Variants in AMER1 observed in about 807,000 individuals in gnomAD.
AMER1 encodes the protein RP11-403E24.2.
AMER1 carries 16 observed loss-of-function variants against 53.0 expected under a neutral mutation model. The ratio of observed to expected loss-of-function variants is 0.30; its 90% confidence interval spans 0.20 to 0.46. The LOEUF is 0.46. Among genes scored for constraint, AMER1 ranks in the 20% least tolerant of loss-of-function variants. AMER1 has a pLI of 1.00. For missense variants in AMER1, 947 were observed against 884.9 expected, an observed-to-expected ratio of 1.07 and a Z score of -0.89; for synonymous variants, 354 against 331.9, an observed-to-expected ratio of 1.07 and a Z score of -0.73.
In AMER1 at chrX:64,188,288, A is replaced by G. The variant is rs1930148629; in HGVS notation, c.*1591T>C. 1.2e-6 allele frequency: 1 copy of G among 800,506 alleles called. No homozygotes were observed. The highest frequency in any genetic ancestry group is 7.7e-5 in the Admixed American group (1 of 12,923). The allele number at this position is 800,506 out of a possible 1,213,427, so 66.0% of individuals were successfully genotyped here. The stretch of plus-strand genomic sequence containing the variant: ...CACAGCCAAGCAAAAAATGTTCCAT[A>G]TGCCATTTCCAATAAAGACATGTAA... On this transcript the variant is annotated 3_prime_UTR_variant, in exon 2 of 2. Transcript: ENST00000374869.
chrX:64,188,299 A>G lies in AMER1; in HGVS notation c.*1580T>C. On this transcript the variant is annotated 3_prime_UTR_variant, in exon 2 of 2. Transcript: ENST00000374869. ...AAAAAATGTTCCATATGCCATTTCC[A>G]ATAAAGACATGTAAAAGGAACCCTC... 3 of 802,243 alleles carry G rather than the reference A, an allele frequency of 3.7e-6. No homozygotes were observed. Among genetic ancestry groups the G allele is most frequent in the Non-Finnish European group, 4.5e-6 (3 of 668,528 alleles). The allele number at this position is 802,243 out of a possible 1,213,427, so 66.1% of individuals were successfully genotyped here. A position where few individuals can be genotyped will look rare whatever the true frequency, so the allele number is the denominator to read the frequency against.
rs761242587 is a variant in AMER1 at position 64,190,222 on chromosome X, C to T, written c.3065G>A (p.Arg1022His). The change falls in exon 2 of 2, where the codon CGT becomes CAT. Residue 1022 changes from arginine to histidine, a missense_variant. Transcript: ENST00000374869. Reference sequence around the variant, plus strand: ...CATGGGCAGGTGTAGGTGTGAGGGACGAGCTAGTTGAGGCCCAGATTCCCC... The same window carrying T: ...CATGGGCAGGTGTAGGTGTGAGGGATGAGCTAGTTGAGGCCCAGATTCCCC... ...APGESGPQLARPSHLHLPMGP... is the reference protein window; with the variant it reads ...APGESGPQLAHPSHLHLPMGP... 14 of 1,209,828 alleles carry T rather than the reference C, an allele frequency of 1.2e-5. No homozygotes were observed. Among genetic ancestry groups the T allele is most frequent in the Middle Eastern group, 4.6e-4 (2 of 4,371 alleles).
intron 1 of AMER1, among the ~76,000 whole-genome samples, chrX:64,200,295 G>A: frequency 8.9e-6 from 1 of 112,192 alleles, no homozygotes. Flanking sequence ...AGAAACAGAT[G>A]TGACAGAGCA....
At position 64,188,708 on chromosome X, in the gene AMER1, ACTGAGATACCTTAAGCT is replaced by A. The variant is rs1930158032; in HGVS notation, c.*1154_*1170del. The A allele has an allele frequency of 1.3e-6, 1 of 799,992 alleles. No individual in the cohort carries two copies. Among genetic ancestry groups the A allele is most frequent in the African/African-American group, 2.2e-5 (1 of 45,728 alleles). The allele number at this position is 799,992 out of a possible 1,213,427, so 65.9% of individuals were successfully genotyped here. On this transcript the variant is annotated 3_prime_UTR_variant, in exon 2 of 2. Transcript: ENST00000374869. ...AGAAGGGAGTTTTCCCTTTTAAGAA[ACTGAGATACCTTAAGCT>A]CTGCATGGTCTGAAATCCCCTTTCT... is the stretch of plus-strand genomic sequence containing the variant.
Position 64,192,049 on chromosome X carries a change from G to A in AMER1, c.1238C>T (p.Ala413Val), listed in dbSNP as rs750083174. The change falls in exon 2 of 2, where the codon GCC becomes GTC. Residue 413 changes from alanine to valine, a missense_variant. Ala to Val is a moderately conservative substitution (Grantham distance 64, BLOSUM62 0). Transcript: ENST00000374869. ...CATATTGGGCCGTGGATACATTTGG[G>A]CAGTTTCCCACAGATATTCTAAGTC... Reference protein sequence around the residue: ...DDDLEYLWETAQMYPRPNMNL... With the variant: ...DDDLEYLWETVQMYPRPNMNL... The A allele has an allele frequency of 1.9e-5, 23 of 1,210,110 alleles. No individual in the cohort carries two copies. In the South Asian group the frequency reaches 3.3e-4, roughly 18 times the overall value.
chrX:64,185,742 G>A lies in AMER1; in HGVS notation c.*4137C>T. ...AAGAGGGGTGAAGGAGTTCCCCAAAGCCTCTCTTCTGGGAAAATGTCACAA... is the reference window on the plus strand; with the variant it reads ...AAGAGGGGTGAAGGAGTTCCCCAAAACCTCTCTTCTGGGAAAATGTCACAA... On this transcript the variant is annotated 3_prime_UTR_variant, in exon 2 of 2. Transcript: ENST00000374869. 5.3e-6 allele frequency: 1 copy of A among 188,398 alleles called. No homozygotes were observed. The highest frequency in any genetic ancestry group is 1.0e-5 in the Non-Finnish European group (1 of 100,086). The allele number at this position is 188,398 out of a possible 1,213,427, so 15.5% of individuals were successfully genotyped here. A position where few individuals can be genotyped will look rare whatever the true frequency, so the allele number is the denominator to read the frequency against.
At position 64,188,669 on chromosome X, in the gene AMER1, T is replaced by C. The variant is rs1251803851; in HGVS notation, c.*1210A>G. 4 of 798,695 alleles carry C rather than the reference T, an allele frequency of 5.0e-6. No individual in the cohort carries two copies. Among genetic ancestry groups the C allele is most frequent in the Admixed American group, 1.6e-4 (2 of 12,827 alleles). The allele number at this position is 798,695 out of a possible 1,213,427, so 65.8% of individuals were successfully genotyped here. Reference sequence around the variant, plus strand: ...TGGGCAAGGCTTAAGGAACATTTTGTGTTGGGAGGCTTGAGAAGGGAGTTT... The same window carrying C: ...TGGGCAAGGCTTAAGGAACATTTTGCGTTGGGAGGCTTGAGAAGGGAGTTT... On this transcript the variant is annotated 3_prime_UTR_variant, in exon 2 of 2. Transcript: ENST00000374869.
Position 64,186,183 on chromosome X carries a change from C to A in AMER1, c.*3696G>T. The A allele has an allele frequency of 8.3e-7, 1 of 1,209,251 alleles. No individual in the cohort carries two copies. Among genetic ancestry groups the A allele is most frequent in the Non-Finnish European group, 1.1e-6 (1 of 894,179 alleles). ...CAGTACCTGGGCATCTTCTGCTGTC[C>A]CTATCATGGGGGGAGGGAACGGACA... On this transcript the variant is annotated 3_prime_UTR_variant, in exon 2 of 2. Transcript: ENST00000374869.
chrX:64,185,270 G>A lies in AMER1; in HGVS notation c.*4609C>T. The A allele has an allele frequency of 6.2e-6, 1 of 161,907 alleles. No homozygotes were observed. The highest frequency in any genetic ancestry group is 1.2e-5 in the Non-Finnish European group (1 of 82,856). 13.3% of individuals were successfully genotyped at this position (161,907 alleles called of 1,213,427 possible). A position where few individuals can be genotyped will look rare whatever the true frequency, so the allele number is the denominator to read the frequency against. ...CCCGGGTGATTCTGTGATGTCTCAGGGATGGAGAAGAGGAAGCTCAGGTAC... is the reference window on the plus strand; with the variant it reads ...CCCGGGTGATTCTGTGATGTCTCAGAGATGGAGAAGAGGAAGCTCAGGTAC... On this transcript the variant is annotated 3_prime_UTR_variant, in exon 2 of 2. Coordinates refer to ENST00000374869, the MANE Select transcript of AMER1 (RefSeq NM_152424.4).
chrX:64,190,481 C>T lies in AMER1; in HGVS notation c.2806G>A (p.Glu936Lys), dbSNP rs1418501335. 2 of 1,210,413 alleles carry T rather than the reference C, an allele frequency of 1.7e-6. No homozygotes were observed. The highest frequency in any genetic ancestry group is 2.2e-6 in the Non-Finnish European group (2 of 895,289). The part of the protein sequence containing the change: ...EDSDEEDEEE[E>K]EGEWSRDSPL... The stretch of plus-strand genomic sequence containing the variant: ...CTGTCTCGGCTCCATTCTCCTTCTT[C>T]CTCCTCTTCGTCCTCCTCATCTGAA... Residue 936 changes from glutamate (E) to lysine (K), a missense_variant, in exon 2 of 2, where the codon GAA becomes AAA. By Grantham distance (56) the Glu-to-Lys change is moderately conservative. Transcript: ENST00000374869.
At position 64,189,341 on chromosome X, in the gene AMER1, G is replaced by A. The variant is rs1351016953; in HGVS notation, c.*538C>T. On this transcript the variant is annotated 3_prime_UTR_variant, in exon 2 of 2. Transcript: ENST00000374869. ...GCAAATAAGCCCCACTTCCCCAAGC[G>A]GGAGGCAATGCAGACTTGGCTGCTA... is the stretch of plus-strand genomic sequence containing the variant. 13 of 781,749 alleles carry A rather than the reference G, an allele frequency of 1.7e-5. No individual in the cohort carries two copies. Among genetic ancestry groups the A allele is most frequent in the Non-Finnish European group, 2.0e-5 (13 of 658,256 alleles). 64.4% of individuals were successfully genotyped at this position (781,749 alleles called of 1,213,427 possible). A position where few individuals can be genotyped will look rare whatever the true frequency, so the allele number is the denominator to read the frequency against.
At position 64,186,088 on chromosome X, in the gene AMER1, T is replaced by TA. The variant is rs1460646625; in HGVS notation, c.*3790dup. 1 of 1,179,955 alleles carries TA rather than the reference T, an allele frequency of 8.5e-7. No individual in the cohort carries two copies. Among genetic ancestry groups the TA allele is most frequent in the Non-Finnish European group, 1.2e-6 (1 of 869,069 alleles). On this transcript the variant is annotated 3_prime_UTR_variant, in exon 2 of 2. Transcript: ENST00000374869. ...GAAGGGTTCAAAAGAAAGAAAAACA[T>TA]AAAATAAAGCCAGAAAATGACAAGC...
In AMER1 at chrX:64,191,614, T is replaced by C; in HGVS notation, c.1673A>G (p.Glu558Gly). 1 of 1,212,407 alleles carries C rather than the reference T, an allele frequency of 8.2e-7. No individual in the cohort carries two copies. Among genetic ancestry groups the C allele is most frequent in the Non-Finnish European group, 1.1e-6 (1 of 895,663 alleles). Reference protein sequence around the residue: ...SRPPGAMETEEERLVTIQKQL... With the variant: ...SRPPGAMETEGERLVTIQKQL... ...TTTCTGGATGGTCACTAGCCGTTCTTCCTCTGTCTCCATTGCCCCAGGTGG... is the reference window on the plus strand; with the variant it reads ...TTTCTGGATGGTCACTAGCCGTTCTCCCTCTGTCTCCATTGCCCCAGGTGG... The change falls in exon 2 of 2, where the codon GAA becomes GGA. Residue 558 changes from glutamate to glycine, a missense_variant. By Grantham distance (98) the Glu-to-Gly change is moderately conservative. Coordinates refer to ENST00000374869, the MANE Select transcript of AMER1 (RefSeq NM_152424.4).
In AMER1 at chrX:64,186,237, GA is replaced by G. The variant is rs1018474079; in HGVS notation, c.*3641del. On this transcript the variant is annotated 3_prime_UTR_variant, in exon 2 of 2. Transcript: ENST00000374869. ...TGGTACAGCTAAGGTAGGGAGAGGG[GA>G]AAGAGGGAGGGCCCTAGGCAGTTGA... is the stretch of plus-strand genomic sequence containing the variant. The G allele has an allele frequency of 1.7e-6, 2 of 1,173,820 alleles. No individual in the cohort carries two copies. The highest frequency in any genetic ancestry group is 3.6e-5 in the African/African-American group (2 of 56,072).
Position 64,189,966 on chromosome X carries a change from A to T in AMER1, c.3321T>A (p.Leu1107=), listed in dbSNP as rs2147083992. The change falls in exon 2 of 2, where the codon CTT becomes CTA. Residue 1107 remains leucine (L), a synonymous_variant. Coordinates refer to ENST00000374869, the MANE Select transcript of AMER1 (RefSeq NM_152424.4). ...GCTCAGCCCTCTCCTTTGACAGGTC[A>T]AGGCTGGAAGGCCCATAGTGAGTGG... ...PQPTHYGPSS[L]DLSKERAEQG... The T allele has an allele frequency of 3.3e-6, 4 of 1,206,392 alleles. No homozygotes were observed. The highest frequency in any genetic ancestry group is 4.5e-6 in the Non-Finnish European group (4 of 892,923).
intron 1 of AMER1, among the ~76,000 whole-genome samples, chrX:64,204,653 G>GC (rs1930559582): frequency 8.8e-6 from 1 of 113,408 alleles, no homozygotes; most frequent in South Asian, 3.6e-4. Context: ...GCAAGGAAAT[G>GC]CCCCCCAAAC....
chrX:64,192,547 G>A lies in AMER1; in HGVS notation c.740C>T (p.Pro247Leu), dbSNP rs1351788055. The change falls in exon 2 of 2, where the codon CCA (proline) becomes CTA (leucine). Residue 247 changes from proline (P) to leucine (L), a missense_variant. Pro to Leu is a moderately conservative substitution (Grantham distance 98). Transcript: ENST00000374869. Reference protein sequence around the residue: ...PKVSPTPEPSPPATEKMACKD... With the variant: ...PKVSPTPEPSLPATEKMACKD... ...ACAGGCCATTTTCTCAGTAGCTGGT[G>A]GAGAAGGTTCTGGTGTTGGAGAAAC... 2.5e-6 allele frequency: 3 copies of A among 1,204,956 alleles called. No homozygotes were observed. The highest frequency in any genetic ancestry group is 3.4e-6 in the Non-Finnish European group (3 of 893,390).
At position 64,188,112 on chromosome X, in the gene AMER1, G is replaced by A. The variant is rs1930144062; in HGVS notation, c.*1767C>T. 8.8e-6 allele frequency: 7 copies of A among 792,784 alleles called. No homozygotes were observed. The highest frequency in any genetic ancestry group is 1.1e-5 in the Non-Finnish European group (7 of 663,603). 65.3% of individuals were successfully genotyped at this position (792,784 alleles called of 1,213,427 possible). The stretch of plus-strand genomic sequence containing the variant: ...GGCCAAGAAACAGTTTGCCCACAAA[G>A]TCACCTTGACTTAGGGGGCAAACAG... On this transcript the variant is annotated 3_prime_UTR_variant, in exon 2 of 2. Transcript: ENST00000374869.
chrX:64,191,118 C>A lies in AMER1; in HGVS notation c.2169G>T (p.Gln723His), dbSNP rs2147086653. 1.6e-6 allele frequency: 2 copies of A among 1,212,272 alleles called. No individual in the cohort carries two copies. Among genetic ancestry groups the A allele is most frequent in the Non-Finnish European group, 2.2e-6 (2 of 895,670 alleles). The change falls in exon 2 of 2, where the codon CAG (glutamine) becomes CAT (histidine). Residue 723 changes from glutamine (Q) to histidine (H), a missense_variant. Transcript: ENST00000374869. ...TGTCTGGCTCAAACATGGCATCACT[C>A]TGGAAGAGCTGCATCAGGCAGGTAC... ...DQSTCLMQLF[Q>H]SDAMFEPDMQ...
Sources: allele counts gnomAD v4.1 joint callset (sites outside exome capture counted in the v4.1 genomes callset), GRCh38; gene constraint gnomAD v4.1.1; transcripts MANE v1.5; gene names NCBI Gene and HGNC (gene_info 2026-07-23, HGNC 2026-07-21).